Variants in PBLD observed in about 807,000 individuals in gnomAD.
PBLD encodes phenazine biosynthesis-like domain-containing protein.
In PBLD, 26 loss-of-function variants were observed where a neutral mutation model predicts 31.3. The ratio of observed to expected loss-of-function variants is 0.83; its 90% CI spans 0.61 to 1.15. PBLD has a LOEUF of 1.15. PBLD is among the 50% of genes most tolerant of loss of function. The pLI is 0.00. For synonymous variants in PBLD, 114 were observed against 129.0 expected (o/e 0.88, Z 0.79); for missense variants, 307 against 351.7 (o/e 0.87, Z 1.02).
At chr10:68,318,226 C>CTAAATAAA (rs531045202) in intron 1 of PBLD, among the ~76,000 whole-genome samples, 2 of 151,494 alleles carry the variant, frequency 1.3e-5, no homozygotes, top group Admixed American at 1.3e-4. Context: ...GACTCTGTCT[C>CTAAATAAA]TAAATAAATA....
chr10:68,294,026 C>G (rs1207601072), intron 4 of PBLD, among the ~76,000 whole-genome samples: 1 of 152,072 alleles, frequency 6.6e-6, no homozygotes, highest in Admixed American at 6.6e-5. Context: ...TTTCAGTAAA[C>G]CCTATTTTTC....
At chr10:68,292,512 C>CTTTTTTT (rs66894235) in intron 4 of PBLD, among the ~76,000 whole-genome samples, 3 of 147,166 alleles carry the variant, frequency 2.0e-5, no homozygotes, top group African/African-American at 2.5e-5. Context: ...ACTTAGCCTC[C>CTTTTTTT]TTTTTTTTTT....
intron 2 of PBLD, among the ~76,000 whole-genome samples, chr10:68,301,185 C>T (rs1181231412): frequency 5.3e-5 from 8 of 152,094 alleles, no homozygotes; most frequent in South Asian, 4.2e-4. Context: ...CATGAGCCAC[C>T]GCACCCGCCC....
At chr10:68,284,412 G>A (rs753969355) in intron 9 of PBLD, 123 bp from the exon 10 acceptor site, 20 of 814,312 alleles carry the variant, frequency 2.5e-5, no homozygotes, top group East Asian at 8.6e-5. Context: ...AAATTCCTTC[G>A]TCTGTTTATG....
chr10:68,297,878 G>A lies in PBLD; in HGVS notation c.85-893C>T, dbSNP rs756292819. Among the ~76,000 whole-genome samples, 6 of 150,990 alleles carry A rather than the reference G, an allele frequency of 4.0e-5. 1 individual carries two copies. The South Asian group carries it at 6.3e-4, about 16-fold the overall frequency. On this transcript the variant is annotated intron_variant, in intron 2 of 9. Coordinates refer to ENST00000358769, the MANE Select transcript of PBLD (RefSeq NM_022129.4). Reference sequence around the variant, plus strand: ...TCCCAGCACTTTGGGAGGCTGAGGCGGGAGGACAGCTTGAGTCCAGGAGTT... The same window carrying A: ...TCCCAGCACTTTGGGAGGCTGAGGCAGGAGGACAGCTTGAGTCCAGGAGTT...
At chr10:68,326,054 T>C (rs1309620217) in intron 1 of PBLD, among the ~76,000 whole-genome samples, 1 of 152,126 alleles carries the variant, frequency 6.6e-6, no homozygotes, top group Admixed American at 6.6e-5. Context: ...AGAATGTACT[T>C]GATTTTTCTG....
chr10:68,331,879 G>A (rs1169246316), intron 1 of PBLD: 1 of 152,356 alleles, frequency 6.6e-6, no homozygotes, highest in Non-Finnish European at 1.5e-5. Flanking sequence ...TCTTTAACTG[G>A]AACAGCCTCT....
chr10:68,319,191 G>GA (rs771812799), intron 1 of PBLD, among the ~76,000 whole-genome samples: 6,048 of 137,106 alleles, frequency 0.044, 394 homozygotes, highest in African/African-American at 0.13. Flanking sequence ...GATGGAGAGT[G>GA]AAAAAAAAAA....
intron 1 of PBLD, among the ~76,000 whole-genome samples, chr10:68,316,139 C>T (rs890116954): frequency 1.3e-5 from 2 of 152,060 alleles, no homozygotes; most frequent in Non-Finnish European, 2.9e-5. Context: ...AAAACTGTCC[C>T]TGAGGGAGTC....
intron 9 of PBLD, chr10:68,285,015 T>C (rs1033438034): frequency 8.6e-6 from 10 of 1,160,338 alleles, no homozygotes; most frequent in Admixed American, 4.5e-5. Context: ...TGACTAGCAA[T>C]AGCAGTAAGG....
At chr10:68,288,838 G>T (rs567454059) in intron 7 of PBLD, 93 bp downstream of exon 7, 45 of 1,363,688 alleles carry the variant, frequency 3.3e-5, no homozygotes, top group Non-Finnish European at 4.4e-5. Flanking sequence ...GTAAATCATG[G>T]TTTGACTGGA....
intron 1 of PBLD, among the ~76,000 whole-genome samples, chr10:68,332,561 T>A (rs527454265): frequency 2.0e-5 from 3 of 152,148 alleles, no homozygotes; most frequent in Non-Finnish European, 2.9e-5. Flanking sequence ...CTTTTTACTT[T>A]TTTGTTCCCC....
At chr10:68,314,317 A>G (rs1339229978) in intron 1 of PBLD, among the ~76,000 whole-genome samples, 1 of 152,112 alleles carries the variant, frequency 6.6e-6, no homozygotes, top group Non-Finnish European at 1.5e-5. Flanking sequence ...AGACTTAAGA[A>G]TCTGTTTATA....
intron 1 of PBLD, among the ~76,000 whole-genome samples, chr10:68,318,484 C>T (rs2044768572): frequency 6.7e-6 from 1 of 148,432 alleles, no homozygotes; most frequent in South Asian, 2.1e-4. Context: ...ATGATCATGC[C>T]ACTGCACTGT....
intron 4 of PBLD, among the ~76,000 whole-genome samples, chr10:68,293,832 A>C (rs535382374): frequency 5.9e-5 from 9 of 151,722 alleles, no homozygotes; most frequent in Non-Finnish European, 1.3e-4. Flanking sequence ...AAAATTAGCC[A>C]GGCGTGGTGG....
intron 1 of PBLD, among the ~76,000 whole-genome samples, chr10:68,325,818 A>C (rs1373726971): frequency 1.3e-5 from 2 of 152,018 alleles, no homozygotes; most frequent in Non-Finnish European, 2.9e-5. Context: ...ATCCTCCAAC[A>C]CTTAACTCAT....
intron 1 of PBLD, among the ~76,000 whole-genome samples, chr10:68,324,409 T>A (rs1788209313): frequency 6.6e-6 from 1 of 152,082 alleles, no homozygotes; most frequent in South Asian, 2.1e-4. Flanking sequence ...TCTCTTGACC[T>A]CATGATCTGC....
At chr10:68,325,393 G>A (rs1308204591) in intron 1 of PBLD, among the ~76,000 whole-genome samples, 1 of 151,894 alleles carries the variant, frequency 6.6e-6, no homozygotes, top group Non-Finnish European at 1.5e-5. Flanking sequence ...GTGAAACCCC[G>A]TGTCTACCTA....
chr10:68,312,890 C>T (rs989789369), intron 1 of PBLD, among the ~76,000 whole-genome samples: 2 of 151,910 alleles, frequency 1.3e-5, no homozygotes, highest in African/African-American at 4.8e-5. Flanking sequence ...AGATTACAGG[C>T]GTGAGCCACC....
Sources: allele counts gnomAD v4.1 joint callset (sites outside exome capture counted in the v4.1 genomes callset), GRCh38; gene constraint gnomAD v4.1.1; transcripts MANE v1.5; gene names NCBI Gene and HGNC (gene_info 2026-07-23, HGNC 2026-07-21).